The following PCDH12 variants were observed in gnomAD, a reference collection of about 807,000 sequenced individuals.
PCDH12 encodes the protein protocadherin 12.
In PCDH12, 45 loss-of-function variants were observed where a neutral mutation model predicts 70.9. The ratio of observed to expected loss-of-function variants is 0.63; its 90% CI spans 0.50 to 0.81. The LOEUF (loss-of-function observed/expected upper bound fraction) is 0.81. PCDH12 is among the 40% of genes least tolerant of loss of function. The pLI is 0.00. For missense variants in PCDH12, 1,370 were observed against 1,491.7 expected (o/e 0.92, Z 1.34); for synonymous variants, 567 against 626.0 (o/e 0.91, Z 1.41).
At chr5:141,951,672 T>C (rs1753085793) in intron 1 of PCDH12, 82 bp from the exon 2 acceptor site, 4 of 1,002,518 alleles carry the variant, frequency 4.0e-6, no homozygotes, top group Non-Finnish European at 6.4e-6. Flanking sequence ...TCAATGCCGG[T>C]GCTTTCTTTT....
At position 141,957,715 on chromosome 5, in the gene PCDH12, A is replaced by G. The variant is rs983748672; in HGVS notation, c.137T>C (p.Ile46Thr). Residue 46 changes from isoleucine to threonine, a missense_variant, in exon 1 of 4, where the codon ATC becomes ACC. Physicochemically the swap from Ile to Thr is moderately conservative, Grantham distance 89. Transcript: ENST00000231484. This position sits in a 1 kb window ranked among gnomAD's most constrained non-coding sequence, Gnocchi z 4.3. The stretch of plus-strand genomic sequence containing the variant: ...GCCCAGTTCCTGGGACAGCTTCCCG[A>G]TCACTGTACCAGATGGCACTTCCTC... ...VSEEVPSGTV[I>T]GKLSQELGRE... 3.7e-6 allele frequency: 6 copies of G among 1,614,044 alleles called. No homozygotes were observed. Among genetic ancestry groups the G allele is most frequent in the African/African-American group, 1.3e-5 (1 of 75,028 alleles).
chr5:141,954,869 C>G (rs1020813588), intron 1 of PCDH12, 103 bp downstream of exon 1: 2 of 1,426,790 alleles, frequency 1.4e-6, no homozygotes, highest in Non-Finnish European at 1.9e-6. Flanking sequence ...GCCAGGTGAG[C>G]CTAAGGAAGA....
chr5:141,945,656 C>G lies in PCDH12; in HGVS notation c.3280G>C (p.Glu1094Gln). 6.2e-7 allele frequency: 1 copy of G among 1,614,246 alleles called. No individual in the cohort carries two copies. The highest frequency in any genetic ancestry group is 8.5e-7 in the Non-Finnish European group (1 of 1,180,044). The change falls in exon 4 of 4, where the codon GAG becomes CAG. Residue 1094 changes from glutamate (E) to glutamine (Q), a missense_variant. Physicochemically the swap from Glu to Gln is conservative, Grantham distance 29. Coordinates refer to ENST00000231484, the MANE Select transcript of PCDH12 (RefSeq NM_016580.4). ...CCTGTTGGGCTCAGCTCTGGTGCCTCTGCCTTGCCGAACGTCTGGAAGGTC... is the reference window on the plus strand; with the variant it reads ...CCTGTTGGGCTCAGCTCTGGTGCCTGTGCCTTGCCGAACGTCTGGAAGGTC... ...PRTFQTFGKA[E>Q]APELSPTGTR...
intron 2 of PCDH12, 32 bp from the exon 3 acceptor site, chr5:141,949,615 G>A (rs1753034086): frequency 6.2e-7 from 1 of 1,603,852 alleles, no homozygotes; most frequent in African/African-American, 1.3e-5. Flanking sequence ...CCATGGGTAG[G>A]GACATTCCCA....
chr5:141,945,949 CAGGA>C, intron 3 of PCDH12, 144 bp from the exon 4 acceptor site: 1 of 764,412 alleles, frequency 1.3e-6, no homozygotes, highest in Non-Finnish European at 2.1e-6. Flanking sequence ...CAGACGGGGA[CAGGA>C]AGGAAGAGGC....
intron 3 of PCDH12, 137 bp downstream of exon 3, chr5:141,949,295 G>A (rs1355938127): frequency 3.4e-6 from 5 of 1,487,606 alleles, no homozygotes; most frequent in Non-Finnish European, 3.6e-6. Flanking sequence ...CTGCAAGGGT[G>A]CAAGGGAAGT....
chr5:141,956,185 A>G lies in PCDH12; in HGVS notation c.1667T>C (p.Leu556Ser). 6.2e-7 allele frequency: 1 copy of G among 1,614,186 alleles called. No individual in the cohort carries two copies. The highest frequency in any genetic ancestry group is 1.6e-4 in the Middle Eastern group (1 of 6,062). Reference protein sequence around the residue: ...ASSVSVWVSLLDANDNAPEVV... With the variant: ...ASSVSVWVSLSDANDNAPEVV... ...CTCTGGGGCATTATCATTGGCATCCAAGAGGCTGACCCACACAGAGACACT... is the reference window on the plus strand; with the variant it reads ...CTCTGGGGCATTATCATTGGCATCCGAGAGGCTGACCCACACAGAGACACT... The change falls in exon 1 of 4, where the codon TTG (leucine) becomes TCG (serine). Residue 556 changes from leucine to serine, a missense_variant. Transcript: ENST00000231484.
At chr5:141,950,835 A>G (rs1400870982) in intron 2 of PCDH12, among the ~76,000 whole-genome samples, 1 of 152,140 alleles carries the variant, frequency 6.6e-6, no homozygotes, top group Non-Finnish European at 1.5e-5. Flanking sequence ...TGCACCTACT[A>G]TGTGTCAGTT....
At chr5:141,948,912 G>A (rs1288611301) in intron 3 of PCDH12, among the ~76,000 whole-genome samples, 1 of 152,068 alleles carries the variant, frequency 6.6e-6, no homozygotes. Context: ...AATCAACGTA[G>A]GCCAGGTGCC....
chr5:141,945,436 T>C lies in PCDH12; in HGVS notation c.3500A>G (p.Lys1167Arg), dbSNP rs1382283848. 2 of 1,613,314 alleles carry C rather than the reference T, an allele frequency of 1.2e-6. No individual in the cohort carries two copies. Among genetic ancestry groups the C allele is most frequent in the Non-Finnish European group, 1.7e-6 (2 of 1,179,738 alleles). Reference protein sequence around the residue: ...GMKVQGDPGGKTGTEGKSRGS... With the variant: ...GMKVQGDPGGRTGTEGKSRGS... Reference sequence around the variant, plus strand: ...TCTGCTCTTGCCCTCAGTCCCCGTCTTTCCACCTGGGTCCCCTTGCACTTT... The same window carrying C: ...TCTGCTCTTGCCCTCAGTCCCCGTCCTTCCACCTGGGTCCCCTTGCACTTT... Residue 1167 changes from lysine to arginine, a missense_variant, in exon 4 of 4, where the codon AAG becomes AGG. Transcript: ENST00000231484.
chr5:141,957,543 G>A lies in PCDH12; in HGVS notation c.309C>T (p.Pro103=). 2 of 1,614,220 alleles carry A rather than the reference G, an allele frequency of 1.2e-6. No homozygotes were observed. The highest frequency in any genetic ancestry group is 1.7e-6 in the Non-Finnish European group (2 of 1,180,042). ...DREQLCRQWD[P]CLVSFDVLAT... The stretch of plus-strand genomic sequence containing the variant: ...CAAGCACATCAAAGGAAACCAGGCA[G>A]GGATCCCACTGTCGGCACAGCTGCT... Residue 103 remains proline, a synonymous_variant, in exon 1 of 4, where the codon CCC becomes CCT. Coordinates refer to ENST00000231484, the MANE Select transcript of PCDH12 (RefSeq NM_016580.4). The surrounding 1 kb of genome is among the most constrained non-coding windows in gnomAD (Gnocchi z 4.3).
rs1283167702 is a variant in PCDH12 at position 141,944,639 on chromosome 5, T to A, written c.*742A>T. ...CATATCCGTGTCTGTGAAATGGGGT[T>A]AATAATACCTCCCTCCCAGGATTGT... On this transcript the variant is annotated 3_prime_UTR_variant, in exon 4 of 4. Transcript: ENST00000231484. The A allele has an allele frequency of 6.6e-6, 1 of 152,232 alleles. No homozygotes were observed. The highest frequency in any genetic ancestry group is 1.5e-5 in the Non-Finnish European group (1 of 68,058). 9.4% of individuals were successfully genotyped at this position (152,232 alleles called of 1,614,324 possible). A position where few individuals can be genotyped will look rare whatever the true frequency, so the allele number is the denominator to read the frequency against.
chr5:141,956,673 C>T lies in PCDH12; in HGVS notation c.1179G>A (p.Leu393=), dbSNP rs373057407. ...SGHNGLVHCW[L]SQELGHFRLK... ...GCCTGAAGTGGCCCAGCTCTTGGCT[C>T]AGCCAGCAGTGGACCAAACCATTGT... Residue 393 remains leucine (L), a synonymous_variant, in exon 1 of 4, where the codon CTG becomes CTA. Coordinates refer to ENST00000231484, the MANE Select transcript of PCDH12 (RefSeq NM_016580.4). The T allele has an allele frequency of 9.3e-6, 15 of 1,614,124 alleles. No individual in the cohort carries two copies. Among genetic ancestry groups the T allele is most frequent in the Non-Finnish European group, 1.2e-5 (14 of 1,180,054 alleles).
At chr5:141,947,278 A>G (rs918992708) in intron 3 of PCDH12, among the ~76,000 whole-genome samples, 12 of 152,258 alleles carry the variant, frequency 7.9e-5, no homozygotes, top group African/African-American at 2.9e-4. Flanking sequence ...GAATGATTGA[A>G]TGAACATAAA....
Position 141,956,121 on chromosome 5 carries a change from G to A in PCDH12, c.1731C>T (p.Leu577=). The A allele has an allele frequency of 6.2e-7, 1 of 1,614,210 alleles. No individual in the cohort carries two copies. The highest frequency in any genetic ancestry group is 1.1e-5 in the South Asian group (1 of 91,088). The change falls in exon 1 of 4, where the codon CTC becomes CTT. Residue 577 remains leucine, a synonymous_variant. Transcript: ENST00000231484. ...CTGTGGAGGCATTCACAAGCACGGA[G>A]AGGCTGGCTTTTCCATCGCTGAGCA... ...QPVLSDGKAS[L]SVLVNASTGH...
chr5:141,951,139 G>A (rs1753072791), intron 2 of PCDH12, among the ~76,000 whole-genome samples: 1 of 152,152 alleles, frequency 6.6e-6, no homozygotes, highest in Non-Finnish European at 1.5e-5. Context: ...TTATGTTTAT[G>A]GGTCAAGAGA....
chr5:141,957,976 C>G lies in PCDH12; in HGVS notation c.-125G>C, dbSNP rs936057956. On this transcript the variant is annotated 5_prime_UTR_variant, in exon 1 of 4. Coordinates refer to ENST00000231484, the MANE Select transcript of PCDH12 (RefSeq NM_016580.4). This position sits in a 1 kb window ranked among gnomAD's most constrained non-coding sequence, Gnocchi z 4.3. ...CCTTCCCCCAGAGCTGCCGGCACAA[C>G]CTTGTCCCATAGTTAGATGATTATG... 4 of 1,100,118 alleles carry G rather than the reference C, an allele frequency of 3.6e-6. No individual in the cohort carries two copies. The Admixed American group carries it at 1.0e-4, about 29-fold the overall frequency. 68.1% of individuals were successfully genotyped at this position (1,100,118 alleles called of 1,614,324 possible).
chr5:141,947,252 T>C (rs1752959780), intron 3 of PCDH12, among the ~76,000 whole-genome samples: 1 of 152,250 alleles, frequency 6.6e-6, no homozygotes, highest in Non-Finnish European at 1.5e-5. Flanking sequence ...TGCCTGGGAC[T>C]TAGTGAATGT....
Position 141,951,562 on chromosome 5 carries a change from T to A in PCDH12, c.2909A>T (p.His970Leu). ...TGGTTTGGGCTGGAATTGGCCCTGATGCAGCAAGGACAGCAGCTGGGAGAT... is the reference window on the plus strand; with the variant it reads ...TGGTTTGGGCTGGAATTGGCCCTGAAGCAGCAAGGACAGCAGCTGGGAGAT... ...QQISQLLSLL[H>L]QGQFQPKPNH... Residue 970 changes from histidine to leucine, a missense_variant, in exon 2 of 4, where the codon CAT (histidine) becomes CTT (leucine). By Grantham distance (99) the His-to-Leu change is moderately conservative (BLOSUM62 -3). Transcript: ENST00000231484. The A allele has an allele frequency of 6.2e-7, 1 of 1,614,258 alleles. No individual in the cohort carries two copies. Among genetic ancestry groups the A allele is most frequent in the South Asian group, 1.1e-5 (1 of 91,090 alleles).
Sources: allele counts gnomAD v4.1 joint callset (sites outside exome capture counted in the v4.1 genomes callset), GRCh38; gene constraint gnomAD v4.1.1; non-coding constraint Gnocchi (gnomAD v3.1); transcripts MANE v1.5; gene names NCBI Gene and HGNC (gene_info 2026-07-23, HGNC 2026-07-21).